Variants in CAMTA1 observed in about 807,000 individuals in gnomAD.
CAMTA1 encodes the protein calmodulin binding transcription activator 1.
Under a neutral mutation model 170.9 loss-of-function variants are expected in CAMTA1, and 27 were observed. The observed-to-expected ratio is 0.16, with a 90% CI of 0.12 to 0.22. The LOEUF (loss-of-function observed/expected upper bound fraction) is 0.22, where lower values mean the gene tolerates loss of function less well. CAMTA1 is among the 10% of genes least tolerant of loss of function. The pLI, the probability that CAMTA1 is intolerant of heterozygous loss-of-function variation, is 1.00. For synonymous variants in CAMTA1, 833 were observed against 891.5 expected (o/e 0.93, Z 1.17); for missense variants, 1,619 against 2,217.2 (o/e 0.73, Z 5.42).
At chr1:7,058,732 A>T (rs562756436) in intron 3 of CAMTA1, among the ~76,000 whole-genome samples, 1 of 152,302 alleles carries the variant, frequency 6.6e-6, no homozygotes, top group East Asian at 1.9e-4. Flanking sequence ...GCCAGGACTT[A>T]TTAAAATCTG....
intron 4 of CAMTA1, among the ~76,000 whole-genome samples, chr1:7,208,314 T>TA (rs1354652105): frequency 6.6e-6 from 1 of 152,256 alleles, no homozygotes; most frequent in Non-Finnish European, 1.5e-5. Context: ...GGTAAACACA[T>TA]ACTACATACT....
chr1:7,622,425 T>C (rs1281753346), intron 6 of CAMTA1, among the ~76,000 whole-genome samples: 1 of 152,224 alleles, frequency 6.6e-6, no homozygotes, highest in South Asian at 2.1e-4. Flanking sequence ...AACAGATTGG[T>C]GTATTCTTTC....
At chr1:7,205,118 C>T (rs959525591) in intron 4 of CAMTA1, among the ~76,000 whole-genome samples, 5 of 151,818 alleles carry the variant, frequency 3.3e-5, no homozygotes, top group African/African-American at 7.3e-5. Context: ...CGTGAGCCAC[C>T]GCGCCCGGCC....
At chr1:7,754,388 T>C (rs1484720781) in intron 21 of CAMTA1, among the ~76,000 whole-genome samples, 1 of 152,188 alleles carries the variant, frequency 6.6e-6, no homozygotes, top group Non-Finnish European at 1.5e-5. Flanking sequence ...AATGAATGTG[T>C]GGGTAACGTG....
At chr1:6,809,005 A>G (rs1282319737) in intron 1 of CAMTA1, among the ~76,000 whole-genome samples, 2 of 150,984 alleles carry the variant, frequency 1.3e-5, no homozygotes, top group South Asian at 2.1e-4. Context: ...CAAAGGTACC[A>G]CTGTTTTTCT....
intron 4 of CAMTA1, among the ~76,000 whole-genome samples, chr1:7,152,091 A>T (rs1295391711): frequency 6.6e-6 from 1 of 152,174 alleles, no homozygotes; most frequent in African/African-American, 2.4e-5. Context: ...ATTAGGTTTG[A>T]ATAGTGTTAT....
intron 3 of CAMTA1, among the ~76,000 whole-genome samples, chr1:6,994,987 A>C (rs1049206475): frequency 6.6e-6 from 1 of 152,146 alleles, no homozygotes; most frequent in African/African-American, 2.4e-5. Context: ...TTGATTCTGA[A>C]AATCTATGCC....
intron 3 of CAMTA1, among the ~76,000 whole-genome samples, chr1:6,890,760 C>T (rs1251420283): frequency 2.0e-5 from 3 of 151,872 alleles, no homozygotes; most frequent in East Asian, 1.9e-4. Context: ...TCTGTGGAGT[C>T]GAGGTCTTGC....
intron 6 of CAMTA1, among the ~76,000 whole-genome samples, chr1:7,520,734 A>G (rs1465873851): frequency 1.3e-5 from 2 of 152,152 alleles, no homozygotes; most frequent in Non-Finnish European, 2.9e-5. Flanking sequence ...CCAAGGACCT[A>G]AAGAGCCACA....
intron 3 of CAMTA1, among the ~76,000 whole-genome samples, chr1:7,082,711 C>T (rs7542716): frequency 0.3 from 45,498 of 151,884 alleles, 7,736 homozygotes; most frequent in African/African-American, 0.47. Flanking sequence ...CCTGCTTTCA[C>T]TTATGCTCTT....
chr1:7,473,191 C>T (rs2093363096), intron 6 of CAMTA1, among the ~76,000 whole-genome samples: 3 of 152,158 alleles, frequency 2.0e-5, no homozygotes, highest in South Asian at 4.1e-4. Context: ...AAGGGCAAGG[C>T]TGCAGGGAGA....
chr1:7,273,695 A>G (rs189208283), intron 5 of CAMTA1, among the ~76,000 whole-genome samples: 2 of 152,336 alleles, frequency 1.3e-5, no homozygotes, highest in Admixed American at 1.3e-4. Flanking sequence ...TACTAAAAGC[A>G]TTGAAGTACA....
intron 5 of CAMTA1, among the ~76,000 whole-genome samples, chr1:7,421,631 T>C (rs896396032): frequency 2.6e-5 from 4 of 152,080 alleles, no homozygotes; most frequent in Admixed American, 2.6e-4. Context: ...TCTTGGGCTG[T>C]GTGAGGATTA....
chr1:7,329,669 G>A (rs910938187), intron 5 of CAMTA1, among the ~76,000 whole-genome samples: 1 of 152,184 alleles, frequency 6.6e-6, no homozygotes, highest in African/African-American at 2.4e-5. Context: ...CCCTACGTGT[G>A]TGATGGTATT....
At chr1:6,864,574 C>T (rs1474257858) in intron 3 of CAMTA1, among the ~76,000 whole-genome samples, 4 of 152,178 alleles carry the variant, frequency 2.6e-5, no homozygotes, top group Admixed American at 2.6e-4. Context: ...CTCGCCTTGT[C>T]CTCTGTTCCA....
chr1:7,149,414 C>G (rs748612727), intron 4 of CAMTA1, among the ~76,000 whole-genome samples: 3 of 152,196 alleles, frequency 2.0e-5, no homozygotes, highest in African/African-American at 7.2e-5. Flanking sequence ...CTGCTGCCAT[C>G]AAATGTAGCA....
chr1:7,265,180 G>T (rs908368968), intron 5 of CAMTA1, among the ~76,000 whole-genome samples: 1 of 152,178 alleles, frequency 6.6e-6, no homozygotes, highest in Non-Finnish European at 1.5e-5. Flanking sequence ...GTCCCAGCCA[G>T]CAGCCATGAG....
chr1:6,925,316 C>T (rs1404140384), intron 3 of CAMTA1, among the ~76,000 whole-genome samples: 3 of 152,212 alleles, frequency 2.0e-5, no homozygotes, highest in East Asian at 3.8e-4. Context: ...GCCTCCCCTG[C>T]GCGTCATGGG....
chr1:7,132,775 C>T (rs1238721394), intron 4 of CAMTA1, among the ~76,000 whole-genome samples: 2 of 152,150 alleles, frequency 1.3e-5, no homozygotes, highest in African/African-American at 4.8e-5. Context: ...ATCAGCTAGA[C>T]TAAAAACCTT....
Sources: allele counts gnomAD v4.1 joint callset (sites outside exome capture counted in the v4.1 genomes callset), GRCh38; gene constraint gnomAD v4.1.1; transcripts MANE v1.5; gene names NCBI Gene and HGNC (gene_info 2026-07-23, HGNC 2026-07-21).